Variants in ATG10 observed in about 807,000 individuals in gnomAD.
ATG10 encodes the protein autophagy related 10, also known as ubiquitin-like-conjugating enzyme ATG10.
ATG10 carries 30 observed loss-of-function variants against 32.1 expected under a neutral mutation model. That is an observed-to-expected ratio of 0.94 (90% CI 0.70 to 1.27). The LOEUF (loss-of-function observed/expected upper bound fraction) is 1.27. Ranked by LOEUF, ATG10 falls within the 50% of genes most tolerant of loss-of-function variation. The probability of loss-of-function intolerance (pLI) is 0.00; values close to 1 mark genes in which losing one functional copy is unlikely to be tolerated. For missense variants in ATG10, 233 were observed against 262.3 expected (o/e 0.89, Z 0.77); for synonymous variants, 87 against 91.5 (o/e 0.95, Z 0.28).
At position 82,173,717 on chromosome 5, in the gene ATG10, G is replaced by A. The variant is rs564998502; in HGVS notation, c.356-4773G>A. Among the ~76,000 whole-genome samples the A allele has an allele frequency of 1.2e-4, 19 of 152,262 alleles. No homozygotes were observed. The East Asian group carries it at 1.5e-3, about 12-fold the overall frequency. On this transcript the variant is annotated intron_variant, in intron 4 of 7. Transcript: ENST00000282185. Reference sequence around the variant, plus strand: ...TTTCTAAGCATGTTAAAATTGGTGCGATTGAGTATCTTGGATCTGAAACGA... The same window carrying A: ...TTTCTAAGCATGTTAAAATTGGTGCAATTGAGTATCTTGGATCTGAAACGA...
At chr5:82,040,762 C>G (rs1310935337) in intron 2 of ATG10, among the ~76,000 whole-genome samples, 1 of 152,048 alleles carries the variant, frequency 6.6e-6, no homozygotes, top group Non-Finnish European at 1.5e-5. Context: ...ACCTAGTATT[C>G]TAATTTAGAA....
chr5:82,010,149 A>G (rs555049362), intron 2 of ATG10: 3 of 1,395,436 alleles, frequency 2.1e-6, no homozygotes, highest in Admixed American at 1.8e-5. Context: ...GCTTTCTTAT[A>G]TTTCTTGTCC....
At chr5:81,975,663 C>T (rs569121156) in intron 1 of ATG10, among the ~76,000 whole-genome samples, 101 of 151,230 alleles carry the variant, frequency 6.7e-4, no homozygotes, top group Middle Eastern at 6.8e-3. Flanking sequence ...ACCTGGGTGA[C>T]ATAGTGAGAC....
chr5:81,978,266 C>A (rs1378183558), intron 1 of ATG10, among the ~76,000 whole-genome samples: 1 of 152,094 alleles, frequency 6.6e-6, no homozygotes, highest in African/African-American at 2.4e-5. Context: ...GATGGGGTTT[C>A]ACCATGTTGG....
At chr5:82,187,655 TG>T (rs2149939250) in intron 5 of ATG10, among the ~76,000 whole-genome samples, 1 of 152,016 alleles carries the variant, frequency 6.6e-6, no homozygotes, top group East Asian at 1.9e-4. Flanking sequence ...CTCTGACCTC[TG>T]CTCACTGCAA....
At chr5:82,138,074 C>T (rs185009580) in intron 3 of ATG10, among the ~76,000 whole-genome samples, 2 of 152,206 alleles carry the variant, frequency 1.3e-5, no homozygotes, top group East Asian at 3.9e-4. Flanking sequence ...ACGCCCCTGT[C>T]CCCAGCAAGC....
chr5:82,024,180 A>G (rs1253107292), intron 2 of ATG10, among the ~76,000 whole-genome samples: 1 of 152,240 alleles, frequency 6.6e-6, no homozygotes, highest in African/African-American at 2.4e-5. Context: ...TTAGAAGTGT[A>G]TAGATGGCAG....
chr5:82,235,483 C>T (rs75424259), intron 5 of ATG10, among the ~76,000 whole-genome samples: 1 of 152,278 alleles, frequency 6.6e-6, no homozygotes, highest in African/African-American at 2.4e-5. Context: ...TATCTTTGGA[C>T]TAGGTTTTTT....
chr5:82,220,323 C>T (rs1338008617), intron 5 of ATG10, among the ~76,000 whole-genome samples: 20 of 151,478 alleles, frequency 1.3e-4, no homozygotes, highest in African/African-American at 3.4e-4. Context: ...AGTGCAGTGG[C>T]GCAGTTTCGG....
chr5:82,112,002 ACTC>A (rs1765636188), intron 3 of ATG10, among the ~76,000 whole-genome samples: 2 of 151,768 alleles, frequency 1.3e-5, no homozygotes, highest in South Asian at 4.2e-4. Context: ...AGAAGAGAAA[ACTC>A]CTACTCATTT....
chr5:82,144,159 A>G (rs928005875), intron 3 of ATG10, among the ~76,000 whole-genome samples: 2 of 151,992 alleles, frequency 1.3e-5, no homozygotes, highest in South Asian at 2.1e-4. Flanking sequence ...TGTTTATAGC[A>G]TTTTTAATGA....
chr5:82,191,858 T>C (rs1469154217), intron 5 of ATG10, among the ~76,000 whole-genome samples: 2 of 152,176 alleles, frequency 1.3e-5, no homozygotes, highest in African/African-American at 4.8e-5. Flanking sequence ...ATCCAAATCC[T>C]TGGAACTTGT....
chr5:82,196,925 G>A (rs538235447), intron 5 of ATG10, among the ~76,000 whole-genome samples: 61 of 152,254 alleles, frequency 4.0e-4, no homozygotes, highest in African/African-American at 1.3e-3. Context: ...CAATTTCTGC[G>A]AAAATGTCAG....
chr5:81,988,943 C>T (rs955281972), intron 2 of ATG10, among the ~76,000 whole-genome samples: 1 of 152,332 alleles, frequency 6.6e-6, no homozygotes, highest in South Asian at 2.1e-4. Flanking sequence ...ATTCTCATGC[C>T]TCAGCCTCCC....
intron 2 of ATG10, among the ~76,000 whole-genome samples, chr5:82,019,339 A>G (rs1291475665): frequency 1.3e-5 from 2 of 152,158 alleles, no homozygotes; most frequent in Admixed American, 1.3e-4. Flanking sequence ...GATATGCAGC[A>G]TAGTAGAATT....
chr5:82,067,873 T>C (rs1025802398), intron 3 of ATG10, among the ~76,000 whole-genome samples: 1 of 152,182 alleles, frequency 6.6e-6, no homozygotes, highest in African/African-American at 2.4e-5. Flanking sequence ...TTACATATAG[T>C]TGTAATTTTG....
chr5:82,044,437 G>T (rs1561270591), intron 2 of ATG10, among the ~76,000 whole-genome samples: 1 of 151,984 alleles, frequency 6.6e-6, no homozygotes, highest in Non-Finnish European at 1.5e-5. Flanking sequence ...ATATTTATGG[G>T]TCCAATTCTA....
chr5:82,000,726 G>A (rs1163185852), intron 2 of ATG10, among the ~76,000 whole-genome samples: 2 of 151,994 alleles, frequency 1.3e-5, no homozygotes, highest in East Asian at 1.9e-4. Flanking sequence ...GCACAATCTC[G>A]GCTCACTGCA....
At chr5:82,043,421 C>T (rs1763144657) in intron 2 of ATG10, among the ~76,000 whole-genome samples, 2 of 152,194 alleles carry the variant, frequency 1.3e-5, no homozygotes, top group South Asian at 4.1e-4. Context: ...CTCTAAAATA[C>T]CCTGGAGACA....
Sources: allele counts gnomAD v4.1 joint callset (sites outside exome capture counted in the v4.1 genomes callset), GRCh38; gene constraint gnomAD v4.1.1; transcripts MANE v1.5; gene names NCBI Gene and HGNC (gene_info 2026-07-23, HGNC 2026-07-21).